CALCRL: variants seen among roughly 807,000 people sequenced by gnomAD.
CALCRL encodes the protein calcitonin receptor like receptor, also known as calcitonin gene-related peptide type 1 receptor.
A neutral mutation model predicts 60.4 loss-of-function variants in CALCRL; 27 were observed. That is an observed-to-expected ratio of 0.45 (90% CI 0.33 to 0.62). The LOEUF (loss-of-function observed/expected upper bound fraction) is 0.62. Among genes scored for constraint, CALCRL ranks in the 20% least tolerant of loss-of-function variants. The pLI, the probability that CALCRL is intolerant of heterozygous loss-of-function variation, is 0.03. For synonymous variants in CALCRL, 190 were observed against 182.6 expected, an observed-to-expected ratio of 1.04 and a Z score of -0.33; for missense variants, 424 against 540.7, an observed-to-expected ratio of 0.78 and a Z score of 2.14.
intron 1 of CALCRL, among the ~76,000 whole-genome samples, chr2:187,416,136 A>G (rs555948339): frequency 6.6e-6 from 1 of 152,342 alleles, no homozygotes; most frequent in East Asian, 1.9e-4. Context: ...CTACTAGGTA[A>G]CGCATATATT....
intron 1 of CALCRL, among the ~76,000 whole-genome samples, chr2:187,410,552 G>C (rs1689314153): frequency 6.6e-6 from 1 of 152,174 alleles, no homozygotes; most frequent in Non-Finnish European, 1.5e-5. Flanking sequence ...GTGGGTGTTA[G>C]GGTTTTGTAG....
chr2:187,357,574 A>G (rs1686852053), intron 12 of CALCRL, among the ~76,000 whole-genome samples: 1 of 143,700 alleles, frequency 7.0e-6, no homozygotes, highest in Non-Finnish European at 1.5e-5. Flanking sequence ...AACCCAAATG[A>G]CAGTCCCCAG....
chr2:187,412,325 A>G (rs557910719), intron 1 of CALCRL, among the ~76,000 whole-genome samples: 2 of 152,294 alleles, frequency 1.3e-5, no homozygotes, highest in East Asian at 1.9e-4. Context: ...GAAGTGGCCC[A>G]AAGACAAGAG....
intron 8 of CALCRL, among the ~76,000 whole-genome samples, chr2:187,365,538 A>G (rs1687240238): frequency 6.6e-6 from 1 of 152,198 alleles, no homozygotes; most frequent in East Asian, 1.9e-4. Context: ...GAGCACACAT[A>G]TATCTAAGTC....
chr2:187,425,068 G>A (rs3771071), intron 1 of CALCRL, among the ~76,000 whole-genome samples: 6,162 of 151,878 alleles, frequency 0.041, 179 homozygotes, highest in South Asian at 0.12. Context: ...GGACTGAGGG[G>A]TCAGATTATT....
chr2:187,360,468 G>T, intron 10 of CALCRL, 130 bp downstream of exon 10: 1 of 770,664 alleles, frequency 1.3e-6, no homozygotes. Flanking sequence ...ACAAGAATAA[G>T]CAAAAGTTAA....
At chr2:187,423,362 G>GT (rs77362361) in intron 1 of CALCRL, among the ~76,000 whole-genome samples, 10,768 of 141,876 alleles carry the variant, frequency 0.076, 448 homozygotes, top group South Asian at 0.14. Context: ...TGTATGTATG[G>GT]TTTTTTTTTT....
intron 12 of CALCRL, 84 bp downstream of exon 12, chr2:187,358,979 C>T: frequency 9.4e-7 from 1 of 1,066,208 alleles, no homozygotes; most frequent in East Asian, 2.4e-5. Flanking sequence ...TCCACTGGGA[C>T]CCTGAAGGAT....
intron 12 of CALCRL, among the ~76,000 whole-genome samples, chr2:187,352,870 C>G (rs1432010048): frequency 6.6e-6 from 1 of 151,882 alleles, no homozygotes; most frequent in Non-Finnish European, 1.5e-5. Flanking sequence ...TCACTGTAAT[C>G]CTCTTTTACT....
intron 1 of CALCRL, among the ~76,000 whole-genome samples, chr2:187,423,424 A>G (rs1011943280): frequency 9.2e-5 from 14 of 151,734 alleles, no homozygotes; most frequent in African/African-American, 3.1e-4. Context: ...GGTATCAAAT[A>G]TGTAGAATCT....
At chr2:187,425,643 G>T (rs1240881087) in intron 1 of CALCRL, among the ~76,000 whole-genome samples, 2 of 151,910 alleles carry the variant, frequency 1.3e-5, no homozygotes, top group Non-Finnish European at 2.9e-5. Flanking sequence ...TAAGAAAAAA[G>T]TATGCATATT....
At chr2:187,400,887 T>C (rs1419851224) in intron 1 of CALCRL, among the ~76,000 whole-genome samples, 2 of 151,576 alleles carry the variant, frequency 1.3e-5, no homozygotes, top group Admixed American at 1.3e-4. Flanking sequence ...TCAAGGAGTG[T>C]GGCAATAGAG....
intron 8 of CALCRL, among the ~76,000 whole-genome samples, chr2:187,363,783 A>T (rs1339689543): frequency 6.6e-6 from 1 of 152,176 alleles, no homozygotes; most frequent in Non-Finnish European, 1.5e-5. Context: ...TAATTTCTGA[A>T]CATAATTAAT....
chr2:187,358,035 A>C (rs1201467600), intron 12 of CALCRL, among the ~76,000 whole-genome samples: 3 of 152,116 alleles, frequency 2.0e-5, no homozygotes, highest in Non-Finnish European at 2.9e-5. Flanking sequence ...GAGACAAAGC[A>C]TGCTAGATTG....
intron 1 of CALCRL, among the ~76,000 whole-genome samples, chr2:187,432,641 A>C (rs1690450690): frequency 6.6e-6 from 1 of 152,140 alleles, no homozygotes; most frequent in Admixed American, 6.6e-5. Context: ...TTTTTAAAAC[A>C]TATTATATAT....
At chr2:187,396,951 C>T (rs1688681404) in intron 1 of CALCRL, among the ~76,000 whole-genome samples, 1 of 151,614 alleles carries the variant, frequency 6.6e-6, no homozygotes, top group African/African-American at 2.4e-5. Flanking sequence ...AGTAGTTGTA[C>T]TGGTTATAAA....
rs1220495053 is a variant in CALCRL, at chr2:187,359,126, G to A, written c.846C>T (p.Cys282=). The A allele has an allele frequency of 1.9e-6, 3 of 1,612,176 alleles. No homozygotes were observed. In the Admixed American group the frequency reaches 5.0e-5, roughly 27 times the overall value. ...IARSLYYNDN[C]WISSDTHLLY... ...GGAGATGGGTATCAGAACTGATCCAGCAACTAGAGAAAACATAATAACATT... is the reference window on the plus strand; with the variant it reads ...GGAGATGGGTATCAGAACTGATCCAACAACTAGAGAAAACATAATAACATT... Residue 282 remains cysteine (C), a synonymous_variant, in exon 12 of 15, where the codon TGC becomes TGT. Transcript: ENST00000392370.
chr2:187,358,671 T>A, intron 12 of CALCRL, among the ~76,000 whole-genome samples: 1 of 152,030 alleles, frequency 6.6e-6, no homozygotes, highest in East Asian at 1.9e-4. Context: ...GGAATAAAGA[T>A]AAATTTGAGT....
intron 1 of CALCRL, among the ~76,000 whole-genome samples, chr2:187,434,951 G>A (rs1270261504): frequency 6.6e-6 from 1 of 152,142 alleles, no homozygotes; most frequent in Admixed American, 6.6e-5. Context: ...AAGTCATAAA[G>A]TAAAACAAGG....
Sources: allele counts gnomAD v4.1 joint callset (sites outside exome capture counted in the v4.1 genomes callset), GRCh38; gene constraint gnomAD v4.1.1; transcripts MANE v1.5; gene names NCBI Gene and HGNC (gene_info 2026-07-23, HGNC 2026-07-21).